GRM8: variants seen among roughly 807,000 people sequenced by gnomAD.
GRM8 encodes glutamate metabotropic receptor 8, also known as metabotropic glutamate receptor 8.
In GRM8, 47 loss-of-function variants were observed where a neutral mutation model predicts 87.2. The observed-to-expected ratio is 0.54, with a 90% CI of 0.43 to 0.69. The LOEUF (loss-of-function observed/expected upper bound fraction) is 0.69, where lower values mean the gene tolerates loss of function less well. GRM8 is among the 30% of genes least tolerant of loss of function. The pLI, the probability that GRM8 is intolerant of heterozygous loss-of-function variation, is 0.00. For missense variants in GRM8, 1,019 were observed against 1,139.2 expected, an observed-to-expected ratio of 0.89 and a Z score of 1.52; for synonymous variants, 396 against 404.5, an observed-to-expected ratio of 0.98 and a Z score of 0.25.
intron 7 of GRM8, among the ~76,000 whole-genome samples, chr7:126,722,736 A>G (rs553692773): frequency 6.6e-6 from 1 of 151,804 alleles, no homozygotes; most frequent in African/African-American, 2.4e-5. Flanking sequence ...ACGTATCACA[A>G]TAATAATTGT....
In GRM8 at chr7:127,142,294, T is replaced by C. The variant is rs574874703; in HGVS notation, c.511-35582A>G. On this transcript the variant is annotated intron_variant, in intron 2 of 10. Transcript: ENST00000339582. Reference sequence around the variant, plus strand: ...TACCCAGCTTATACTAATTGACTTATTTTACTAGCATGCAGTTGGTTATGG... The same window carrying C: ...TACCCAGCTTATACTAATTGACTTACTTTACTAGCATGCAGTTGGTTATGG... Among the ~76,000 whole-genome samples the C allele has an allele frequency of 3.3e-5, 5 of 152,260 alleles. No homozygotes were observed. The East Asian group carries it at 5.8e-4, about 18-fold the overall frequency.
chr7:127,227,773 A>G (rs1797430215), intron 2 of GRM8, among the ~76,000 whole-genome samples: 1 of 152,210 alleles, frequency 6.6e-6, no homozygotes, highest in Non-Finnish European at 1.5e-5. Context: ...GGAAGCTCCC[A>G]TCAATGCTGC....
chr7:126,556,260 C>T (rs1399130389), intron 8 of GRM8, among the ~76,000 whole-genome samples: 1 of 149,946 alleles, frequency 6.7e-6, no homozygotes, highest in Non-Finnish European at 1.5e-5. Context: ...CATATTAGTA[C>T]CTACTATTGT....
At chr7:126,606,845 T>C (rs1798407749) in intron 8 of GRM8, among the ~76,000 whole-genome samples, 1 of 152,198 alleles carries the variant, frequency 6.6e-6, no homozygotes, top group Non-Finnish European at 1.5e-5. Context: ...AAAGAGCAGC[T>C]TGAGATTCAA....
chr7:126,934,697 T>C (rs1270851160), intron 3 of GRM8, among the ~76,000 whole-genome samples: 1 of 152,118 alleles, frequency 6.6e-6, no homozygotes, highest in Non-Finnish European at 1.5e-5. Context: ...GTGATATAAT[T>C]TCTAGCTTTC....
intron 3 of GRM8, among the ~76,000 whole-genome samples, chr7:126,920,713 A>G (rs563004498): frequency 8.5e-5 from 13 of 152,286 alleles, no homozygotes; most frequent in African/African-American, 3.1e-4. Flanking sequence ...CATCAAACAC[A>G]GCTGAAGACA....
intron 7 of GRM8, among the ~76,000 whole-genome samples, chr7:126,740,806 C>G (rs1411935482): frequency 6.6e-6 from 1 of 152,062 alleles, no homozygotes; most frequent in Non-Finnish European, 1.5e-5. Flanking sequence ...TGTTAACCTG[C>G]CATAATAAGT....
chr7:126,700,475 A>T (rs980317775), intron 7 of GRM8, among the ~76,000 whole-genome samples: 2 of 152,206 alleles, frequency 1.3e-5, no homozygotes, highest in Admixed American at 6.5e-5. Context: ...TTTCTCATTC[A>T]TTAGCTCACT....
At chr7:126,575,875 C>T (rs949537589) in intron 8 of GRM8, among the ~76,000 whole-genome samples, 1 of 152,100 alleles carries the variant, frequency 6.6e-6, no homozygotes, top group African/African-American at 2.4e-5. Flanking sequence ...TGGTCTTGAA[C>T]CCAAATATAT....
chr7:126,627,454 T>G (rs1407151839), intron 7 of GRM8, among the ~76,000 whole-genome samples: 1 of 152,256 alleles, frequency 6.6e-6, no homozygotes, highest in Admixed American at 6.5e-5. Flanking sequence ...CTCTAGATTT[T>G]TTATTTCTAT....
chr7:127,212,592 T>C (rs1242795634), intron 2 of GRM8, among the ~76,000 whole-genome samples: 2 of 151,956 alleles, frequency 1.3e-5, no homozygotes, highest in African/African-American at 4.8e-5. Flanking sequence ...TAATTTTTTG[T>C]ATTTTTAGTA....
rs117506267 is a variant in GRM8, at chr7:126,969,196, T to C, written c.728-64513A>G. ...GATGGCTGCTGACTGATCAGGGTGG[T>C]GGTTGCTGATAAATGGAGTGGCTGT... On this transcript the variant is annotated intron_variant, in intron 3 of 10. Transcript: ENST00000339582. 9.4e-3 allele frequency among the ~76,000 whole-genome samples: 1,430 copies of C among 152,198 alleles called. 15 individuals are homozygous for C. The highest frequency in any genetic ancestry group is 0.016 in the Non-Finnish European group (1,101 of 67,996).
intron 2 of GRM8, among the ~76,000 whole-genome samples, chr7:127,181,577 A>C (rs752915405): frequency 6.6e-6 from 1 of 152,104 alleles, no homozygotes; most frequent in Non-Finnish European, 1.5e-5. Flanking sequence ...GAGGCATCAC[A>C]CTACCTGATT....
At chr7:126,596,998 CTA>C (rs1418294547) in intron 8 of GRM8, among the ~76,000 whole-genome samples, 2 of 152,016 alleles carry the variant, frequency 1.3e-5, no homozygotes, top group Non-Finnish European at 2.9e-5. Flanking sequence ...TAGTACATTT[CTA>C]TGTCCTTGTT....
intron 6 of GRM8, among the ~76,000 whole-genome samples, chr7:126,787,807 A>G (rs982467711): frequency 7.2e-5 from 11 of 151,972 alleles, no homozygotes; most frequent in Non-Finnish European, 1.3e-4. Context: ...ATATTTGTAG[A>G]TCATCATGCC....
intron 7 of GRM8, among the ~76,000 whole-genome samples, chr7:126,737,522 G>A (rs547528790): frequency 3.3e-5 from 5 of 152,020 alleles, no homozygotes; most frequent in South Asian, 2.1e-4. Context: ...TTTCTCTATC[G>A]TAATTCCCCC....
At chr7:126,618,576 C>T (rs2151132135) in intron 7 of GRM8, among the ~76,000 whole-genome samples, 2 of 152,326 alleles carry the variant, frequency 1.3e-5, no homozygotes, top group South Asian at 4.1e-4. Context: ...AAACTACCAT[C>T]AGAGTGAACA....
At position 126,592,196 on chromosome 7, in the gene GRM8, A is replaced by G. The variant is rs1195194907; in HGVS notation, c.1494+17166T>C. On this transcript the variant is annotated intron_variant, in intron 8 of 10. Coordinates refer to ENST00000339582, the MANE Select transcript of GRM8 (RefSeq NM_000845.3). ...CCTGATGGCTTCATTGCTGAATTCT[A>G]TCAAAAACTTAAAGAATGACTCATA... 2.0e-5 allele frequency among the ~76,000 whole-genome samples: 3 copies of G among 151,650 alleles called. No individual in the cohort carries two copies. In the East Asian group the frequency reaches 5.8e-4, roughly 29 times the overall value.
At chr7:126,632,876 G>C (rs1237071120) in intron 7 of GRM8, among the ~76,000 whole-genome samples, 1 of 152,062 alleles carries the variant, frequency 6.6e-6, no homozygotes, top group African/African-American at 2.4e-5. Context: ...ACTGGGGCCT[G>C]TCAGATGGTA....
Sources: allele counts gnomAD v4.1 joint callset (sites outside exome capture counted in the v4.1 genomes callset), GRCh38; gene constraint gnomAD v4.1.1; transcripts MANE v1.5; gene names NCBI Gene and HGNC (gene_info 2026-07-23, HGNC 2026-07-21).